The following ENOX2 variants were observed in gnomAD, a reference collection of about 807,000 sequenced individuals.
ENOX2 encodes APK1 antigen.
Under a neutral mutation model 45.0 loss-of-function variants are expected in ENOX2, and 36 were observed. The observed-to-expected ratio is 0.80, with a 90% CI of 0.61 to 1.06. ENOX2 has a LOEUF of 1.06. ENOX2 is among the 50% of genes least tolerant of loss of function. ENOX2 has a pLI of 0.00. For missense variants in ENOX2, 423 were observed against 462.5 expected, an observed-to-expected ratio of 0.91 and a Z score of 0.78; for synonymous variants, 174 against 152.3, an observed-to-expected ratio of 1.14 and a Z score of -1.05.
rs2035716267 is a variant in ENOX2, at chrX:130,631,498, T to C, written c.1498A>G (p.Ile500Val). Residue 500 changes from isoleucine (I) to valine (V), a missense_variant, in exon 13 of 15, where the codon ATC (isoleucine) becomes GTC (valine). Around this residue, in one of 5 missense-constraint regions of ENOX2, gnomAD observed 108 missense variants for 70.6 expected, o/e 1.53. Transcript: ENST00000394363. ...AGCAGTGCTTCACGTTCAGATTTGA[T>C]AGGACTGCTGTTCATGGTCTTCTCA... ...PLEKTMNSSPIKSEREALLVG... is the reference protein window; with the variant it reads ...PLEKTMNSSPVKSEREALLVG... 8.3e-7 allele frequency: 1 copy of C among 1,199,590 alleles called. No individual in the cohort carries two copies. The highest frequency in any genetic ancestry group is 1.8e-5 in the South Asian group (1 of 56,666).
intron 3 of ENOX2, among the ~76,000 whole-genome samples, chrX:130,714,683 A>G (rs1416268789): frequency 8.9e-6 from 1 of 111,861 alleles, no homozygotes; most frequent in South Asian, 3.8e-4. Flanking sequence ...AAAGCCATAT[A>G]TTATGTGATG....
At position 130,875,428 on chromosome X, in the gene ENOX2, C is replaced by A. The variant is rs748332257; in HGVS notation, c.-183+26256G>T. 4.5e-5 allele frequency among the ~76,000 whole-genome samples: 5 copies of A among 111,038 alleles called. No individual in the cohort carries two copies. The South Asian group carries it at 1.5e-3, about 34-fold the overall frequency. ...ACTGACATAAGGGCAGGCATATAGACAAAACAGTGTGGTAACAATGTAAGG... is the reference window on the plus strand; with the variant it reads ...ACTGACATAAGGGCAGGCATATAGAAAAAACAGTGTGGTAACAATGTAAGG... On this transcript the variant is annotated intron_variant, in intron 2 of 14. Coordinates refer to ENST00000394363, the MANE Select transcript of ENOX2 (RefSeq NM_006375.4).
At chrX:130,773,552 A>T (rs1306297680) in intron 3 of ENOX2, among the ~76,000 whole-genome samples, 6 of 112,045 alleles carry the variant, frequency 5.4e-5, no homozygotes, top group Non-Finnish European at 7.5e-5. Flanking sequence ...AATAAAAGCT[A>T]CTGCTGCTGT....
At chrX:130,658,954 C>G (rs182783441) in intron 9 of ENOX2, among the ~76,000 whole-genome samples, 44 of 111,925 alleles carry the variant, frequency 3.9e-4, no homozygotes, top group Admixed American at 2.5e-3. Context: ...ATGAAGAACA[C>G]TGAAAATGAT....
intron 2 of ENOX2, among the ~76,000 whole-genome samples, chrX:130,866,976 A>G (rs980911258): frequency 9.1e-6 from 1 of 110,316 alleles, no homozygotes; most frequent in African/African-American, 3.3e-5. Flanking sequence ...GGTTATATTT[A>G]TTAATATTTA....
chrX:130,868,513 C>G (rs1460228011), intron 2 of ENOX2, among the ~76,000 whole-genome samples: 1 of 111,451 alleles, frequency 9.0e-6, no homozygotes, highest in African/African-American at 3.3e-5. Flanking sequence ...GCTCGGAGCC[C>G]CCGGTGTTCA....
intron 3 of ENOX2, among the ~76,000 whole-genome samples, chrX:130,751,730 T>C (rs1228572366): frequency 8.9e-6 from 1 of 112,522 alleles, no homozygotes; most frequent in Non-Finnish European, 1.9e-5. Context: ...GTTGATATTT[T>C]CTGTCTTTTA....
chrX:130,819,483 A>G (rs1414305547), intron 2 of ENOX2, among the ~76,000 whole-genome samples: 1 of 112,510 alleles, frequency 8.9e-6, no homozygotes, highest in Non-Finnish European at 1.9e-5. Context: ...CCAAATGCCC[A>G]TCAATGATAG....
At chrX:130,759,299 G>A (rs904286575) in intron 3 of ENOX2, among the ~76,000 whole-genome samples, 14 of 110,935 alleles carry the variant, frequency 1.3e-4, no homozygotes, top group African/African-American at 4.3e-4. Context: ...TCACTGAAAA[G>A]GTCAGATGCC....
intron 2 of ENOX2, among the ~76,000 whole-genome samples, chrX:130,784,586 C>G (rs867913491): frequency 2.2e-5 from 2 of 92,232 alleles, no homozygotes; most frequent in African/African-American, 4.1e-5. Context: ...ATAGCTCACT[C>G]TTTTTTTTTT....
chrX:130,815,905 C>T (rs917085377), intron 2 of ENOX2, among the ~76,000 whole-genome samples: 100 of 111,261 alleles, frequency 9.0e-4, no homozygotes, highest in African/African-American at 2.8e-3. Flanking sequence ...CAATATTAAC[C>T]TTAAATATAA....
At chrX:130,784,026 A>G (rs771480810) in intron 2 of ENOX2, among the ~76,000 whole-genome samples, 6 of 111,722 alleles carry the variant, frequency 5.4e-5, no homozygotes, top group Non-Finnish European at 9.4e-5. Flanking sequence ...TTGGCTTTGC[A>G]TTCCTTGGAT....
intron 2 of ENOX2, among the ~76,000 whole-genome samples, chrX:130,851,785 T>G (rs2078216330): frequency 8.9e-6 from 1 of 112,039 alleles, no homozygotes; most frequent in Admixed American, 9.5e-5. Flanking sequence ...CATCACTGCT[T>G]TCTTCTATTC....
At chrX:130,716,064 C>T (rs2038322693) in intron 3 of ENOX2, among the ~76,000 whole-genome samples, 1 of 111,068 alleles carries the variant, frequency 9.0e-6, no homozygotes, top group Non-Finnish European at 1.9e-5. Flanking sequence ...CATGAAAATA[C>T]CAGTACAGGA....
At chrX:130,877,631 G>A (rs929154669) in intron 2 of ENOX2, among the ~76,000 whole-genome samples, 11 of 112,142 alleles carry the variant, frequency 9.8e-5, no homozygotes, top group African/African-American at 3.6e-4. Context: ...AAAGCATTTG[G>A]CAGGTGGTCC....
intron 2 of ENOX2, among the ~76,000 whole-genome samples, chrX:130,833,290 A>G (rs899192638): frequency 1.8e-5 from 2 of 110,936 alleles, no homozygotes; most frequent in African/African-American, 3.3e-5. Flanking sequence ...ATATATCTCT[A>G]TCTTCTTTGG....
At chrX:130,657,700 G>A (rs5977337) in intron 9 of ENOX2, among the ~76,000 whole-genome samples, 1,443 of 112,077 alleles carry the variant, frequency 0.013, 22 homozygotes, top group African/African-American at 0.044. Context: ...TGACCGTTAC[G>A]ACAAACGAAA....
In ENOX2 at chrX:130,665,664, G is replaced by A. The variant is rs779849967; in HGVS notation, c.993C>T (p.Ser331=). ...CAACCTCAGCTTGTTTGCACCACAC[G>A]CTGATGTTCTTCCGCTGGGCTTTTG... The part of the protein sequence containing the change: ...HFTKAQRKNI[S]VWCKQAEEIR... The change falls in exon 9 of 15, where the codon AGC becomes AGT. Residue 331 remains serine, a synonymous_variant. Coordinates refer to ENST00000394363, the MANE Select transcript of ENOX2 (RefSeq NM_006375.4). 3 of 1,203,200 alleles carry A rather than the reference G, an allele frequency of 2.5e-6. No homozygotes were observed. The highest frequency in any genetic ancestry group is 2.2e-5 in the Admixed American group (1 of 45,508).
intron 8 of ENOX2, among the ~76,000 whole-genome samples, chrX:130,667,153 T>C (rs190390308): frequency 4.9e-4 from 55 of 112,247 alleles, no homozygotes; most frequent in Middle Eastern, 4.6e-3. Context: ...CTTGAAGGCA[T>C]ATTACATGAT....
Sources: gnomAD v4.1 joint callset for allele counts (sites outside exome capture counted in the v4.1 genomes callset) on GRCh38, gnomAD v4.1.1 for gene constraint, gnomAD v4.1.1 regional missense constraint, MANE v1.5 for transcripts, NCBI Gene and HGNC (gene_info 2026-07-23, HGNC 2026-07-21) for gene names.